ASAP2: variants seen among roughly 807,000 people sequenced by gnomAD.
ASAP2 encodes ArfGAP with SH3 domain, ankyrin repeat and PH domain 2, also known as arf-GAP with SH3 domain, ANK repeat and PH domain-containing protein 2.
In ASAP2, 45 loss-of-function variants were observed where a neutral mutation model predicts 131.4. That is an observed-to-expected ratio of 0.34 (90% CI 0.27 to 0.44). The LOEUF (loss-of-function observed/expected upper bound fraction) is 0.44. ASAP2 is among the 20% of genes least tolerant of loss of function. The pLI, the probability that ASAP2 is intolerant of heterozygous loss-of-function variation, is 1.00. For missense variants in ASAP2, 1,011 were observed against 1,297.0 expected (o/e 0.78, Z 3.39); for synonymous variants, 510 against 503.0 (o/e 1.01, Z -0.19).
chr2:9,278,524 A>G (rs1383482132), intron 1 of ASAP2, among the ~76,000 whole-genome samples: 5 of 152,052 alleles, frequency 3.3e-5, no homozygotes, highest in East Asian at 3.9e-4. Context: ...AAAAAAAAAA[A>G]AAAAGAAAAA....
At chr2:9,355,940 A>C in intron 12 of ASAP2, 107 bp from the exon 13 acceptor site, 2 of 1,364,384 alleles carry the variant, frequency 1.5e-6, no homozygotes, top group Non-Finnish European at 2.1e-6. Context: ...GTAATTTCGT[A>C]ACAGAGAGCT....
chr2:9,397,919 C>T (rs1476178487), intron 24 of ASAP2, among the ~76,000 whole-genome samples: 4 of 150,620 alleles, frequency 2.7e-5, no homozygotes, highest in South Asian at 2.1e-4. Flanking sequence ...CCACCACGCC[C>T]GGCTAATTTT....
In ASAP2 at chr2:9,234,909, T is replaced by C. The variant is rs112420874; in HGVS notation, c.126+27679T>C. Among the ~76,000 whole-genome samples the C allele has an allele frequency of 3.8e-3, 575 of 152,266 alleles. 6 individuals are homozygous for C. The highest frequency in any genetic ancestry group is 0.013 in the African/African-American group (543 of 41,538). ...CAGTGGATTTCTAGAAATACCCTAT[T>C]TTTCATGACTCACCAATTGAACACA... On this transcript the variant is annotated intron_variant, in intron 1 of 27. Transcript: ENST00000281419.
chr2:9,352,212 AACACAC>A (rs58275721), intron 12 of ASAP2, among the ~76,000 whole-genome samples: 68 of 150,082 alleles, frequency 4.5e-4, no homozygotes, highest in African/African-American at 1.5e-3. Flanking sequence ...AACACACACA[AACACAC>A]ACACACACAC....
At chr2:9,390,385 A>T (rs1344822312) in intron 22 of ASAP2, among the ~76,000 whole-genome samples, 4 of 152,184 alleles carry the variant, frequency 2.6e-5, no homozygotes, top group African/African-American at 9.7e-5. Flanking sequence ...CCTTTGCCCT[A>T]CAGGCCGTGC....
chr2:9,279,311 T>TTA lies in ASAP2; in HGVS notation c.127-5_127-4insAT, dbSNP rs761259674. The TTA allele has an allele frequency of 8.7e-6, 14 of 1,613,782 alleles. No individual in the cohort carries two copies. The East Asian group carries it at 2.9e-4, about 33-fold the overall frequency. On this transcript the variant is annotated splice_region_variant and splice_polypyrimidine_tract_variant and intron_variant, in intron 1 of 27. Coordinates refer to ENST00000281419, the MANE Select transcript of ASAP2 (RefSeq NM_003887.3). ...CGGTTTAATGACTGTATTCTCTACA[T>TTA]TTTAGGCTTTGGACGTGGACCGGAT...
chr2:9,383,708 A>C (rs1464744946), intron 20 of ASAP2, among the ~76,000 whole-genome samples: 1 of 152,162 alleles, frequency 6.6e-6, no homozygotes, highest in African/African-American at 2.4e-5. Flanking sequence ...TTTCACATGC[A>C]CACGTATGTT....
chr2:9,401,306 C>T lies in ASAP2; in HGVS notation c.2856C>T (p.Leu952=). 1.2e-6 allele frequency: 2 copies of T among 1,613,628 alleles called. No individual in the cohort carries two copies. The highest frequency in any genetic ancestry group is 1.1e-5 in the South Asian group (1 of 91,076). ...TKLKPKRVKA[L]YNCVADNPDE... is the part of the protein sequence containing the mutation. ...TGAAGCCTAAGCGGGTGAAAGCGCTCTATAACTGTGTGGCTGACAACCCCG... is the reference window on the plus strand; with the variant it reads ...TGAAGCCTAAGCGGGTGAAAGCGCTTTATAACTGTGTGGCTGACAACCCCG... Residue 952 remains leucine (L), a synonymous_variant, in exon 27 of 28, where the codon CTC becomes CTT. Coordinates refer to ENST00000281419, the MANE Select transcript of ASAP2 (RefSeq NM_003887.3).
At chr2:9,256,819 G>A (rs79067858) in intron 1 of ASAP2, among the ~76,000 whole-genome samples, 5,881 of 152,324 alleles carry the variant, frequency 0.039, 154 homozygotes, top group Non-Finnish European at 0.06. Flanking sequence ...GTGTGACAGA[G>A]GAGTTGGGTT....
chr2:9,351,218 A>G (rs1406571050), intron 12 of ASAP2, among the ~76,000 whole-genome samples: 1 of 152,226 alleles, frequency 6.6e-6, no homozygotes, highest in Non-Finnish European at 1.5e-5. Context: ...AAACTCCTTC[A>G]CTTGAAAAAG....
At chr2:9,251,067 G>A (rs1018383455) in intron 1 of ASAP2, among the ~76,000 whole-genome samples, 1 of 152,244 alleles carries the variant, frequency 6.6e-6, no homozygotes, top group Non-Finnish European at 1.5e-5. Context: ...GATTAGAGGT[G>A]AGAAAACACA....
chr2:9,279,592 GTCCCCTGTCA>G (rs1466046089), intron 2 of ASAP2, among the ~76,000 whole-genome samples: 2 of 152,230 alleles, frequency 1.3e-5, no homozygotes, highest in South Asian at 4.2e-4. Context: ...GTGGGATTTC[GTCCCCTGTCA>G]TCCCCTGTCA....
intron 1 of ASAP2, among the ~76,000 whole-genome samples, chr2:9,244,893 A>G (rs980337282): frequency 2.0e-5 from 3 of 152,202 alleles, no homozygotes; most frequent in Non-Finnish European, 4.4e-5. Flanking sequence ...ATTTGAGTCT[A>G]AGAAAACTTA....
At chr2:9,317,580 A>C (rs1376060841) in intron 3 of ASAP2, among the ~76,000 whole-genome samples, 1 of 145,562 alleles carries the variant, frequency 6.9e-6, no homozygotes, top group Non-Finnish European at 1.5e-5. Context: ...ACACCCACAC[A>C]CCCGTACACA....
At position 9,401,353 on chromosome 2, in the gene ASAP2, G is replaced by A. The variant is rs990022605; in HGVS notation, c.2903G>A (p.Gly968Glu). The A allele has an allele frequency of 6.2e-7, 1 of 1,613,532 alleles. No individual in the cohort carries two copies. Among genetic ancestry groups the A allele is most frequent in the Non-Finnish European group, 8.5e-7 (1 of 1,179,954 alleles). Residue 968 changes from glycine to glutamate, a missense_variant, in exon 27 of 28, where the codon GGG (glycine) becomes GAG (glutamate). Physicochemically the swap from Gly to Glu is moderately conservative, Grantham distance 98. This residue lies in a region of ASAP2 where 652 missense variants were observed against 698.9 expected (regional missense o/e 0.93). Transcript: ENST00000281419. Reference protein sequence around the residue: ...DNPDELTFSEGDVIIVDGEED... With the variant: ...DNPDELTFSEEDVIIVDGEED... ...CCCGATGAGCTCACCTTCTCCGAGGGGGATGTGATCATCGTGGACGGGGAG... is the reference window on the plus strand; with the variant it reads ...CCCGATGAGCTCACCTTCTCCGAGGAGGATGTGATCATCGTGGACGGGGAG...
chr2:9,390,328 C>T (rs1244896635), intron 22 of ASAP2, among the ~76,000 whole-genome samples: 1 of 152,186 alleles, frequency 6.6e-6, no homozygotes, highest in Non-Finnish European at 1.5e-5. Flanking sequence ...GGGAGGAGCT[C>T]GAAGGCTTCC....
intron 1 of ASAP2, among the ~76,000 whole-genome samples, chr2:9,214,278 C>T (rs1661825782): frequency 6.6e-6 from 1 of 152,056 alleles, no homozygotes; most frequent in African/African-American, 2.4e-5. Context: ...TGCTCGGTTA[C>T]CCAGGCTGGA....
intron 9 of ASAP2, 62 bp from the exon 10 acceptor site, chr2:9,344,470 A>T: frequency 7.1e-7 from 1 of 1,400,156 alleles, no homozygotes; most frequent in Non-Finnish European, 1.0e-6. Context: ...TCCTTTGTGT[A>T]CTGCTTTTCT....
intron 16 of ASAP2, among the ~76,000 whole-genome samples, chr2:9,373,503 G>A (rs552466632): frequency 1.3e-5 from 2 of 152,294 alleles, no homozygotes; most frequent in African/African-American, 4.8e-5. Flanking sequence ...GGGACCCCAG[G>A]GTAGACAGGA....
Sources: gnomAD v4.1 joint callset for allele counts (sites outside exome capture counted in the v4.1 genomes callset) on GRCh38, gnomAD v4.1.1 for gene constraint, gnomAD v4.1.1 regional missense constraint, MANE v1.5 for transcripts, NCBI Gene and HGNC (gene_info 2026-07-23, HGNC 2026-07-21) for gene names.